Variants in MRRF observed in about 807,000 individuals in gnomAD.
MRRF encodes the protein ribosome-recycling factor, mitochondrial.
A neutral mutation model predicts 25.1 loss-of-function variants in MRRF; 18 were observed. The observed-to-expected ratio is 0.72, with a 90% CI of 0.50 to 1.06. The LOEUF is 1.06. MRRF is among the 50% of genes least tolerant of loss of function. The pLI is 0.00. For missense variants in MRRF, 323 were observed against 319.3 expected (o/e 1.01, Z -0.09); for synonymous variants, 113 against 112.1 (o/e 1.01, Z -0.05).
rs1402951191 is a variant in MRRF at position 122,323,235 on chromosome 9, C to T, written c.*618C>T. 6.3e-6 allele frequency: 1 copy of T among 158,706 alleles called. No homozygotes were observed. Among genetic ancestry groups the T allele is most frequent in the Non-Finnish European group, 1.4e-5 (1 of 71,464 alleles). The allele number at this position is 158,706 out of a possible 1,614,324, so 9.8% of individuals were successfully genotyped here. Reference sequence around the variant, plus strand: ...TTACCTGGCCAGTCCTGTTTATCATCAGGCCTTGTCTTGGATATCACGTCC... The same window carrying T: ...TTACCTGGCCAGTCCTGTTTATCATTAGGCCTTGTCTTGGATATCACGTCC... On this transcript the variant is annotated 3_prime_UTR_variant, in exon 7 of 7. Coordinates refer to ENST00000344641, the MANE Select transcript of MRRF (RefSeq NM_138777.5).
chr9:122,286,626 C>A (rs1833424054), intron 4 of MRRF, among the ~76,000 whole-genome samples: 1 of 152,136 alleles, frequency 6.6e-6, no homozygotes, highest in African/African-American at 2.4e-5. Context: ...AGTGGAAGGA[C>A]CGCTTGAGTC....
chr9:122,281,458 T>C (rs1250844326), intron 3 of MRRF, among the ~76,000 whole-genome samples: 2 of 152,206 alleles, frequency 1.3e-5, no homozygotes, highest in Non-Finnish European at 1.5e-5. Context: ...GCTCCACTTA[T>C]AAACACTATC....
chr9:122,294,992 G>A (rs1833998311), intron 5 of MRRF, among the ~76,000 whole-genome samples: 3 of 152,156 alleles, frequency 2.0e-5, no homozygotes, highest in Admixed American at 1.3e-4. Flanking sequence ...ACATATTCAG[G>A]AAAGCAGAAA....
At chr9:122,291,964 C>T (rs1187751040) in intron 5 of MRRF, 124 bp downstream of exon 5, 1 of 768,588 alleles carries the variant, frequency 1.3e-6, no homozygotes, top group East Asian at 2.5e-5. Context: ...TTCACCCTGG[C>T]AAACATCTTT....
intron 4 of MRRF, among the ~76,000 whole-genome samples, chr9:122,291,297 A>G (rs1409713957): frequency 6.6e-6 from 1 of 152,232 alleles, no homozygotes; most frequent in Non-Finnish European, 1.5e-5. Flanking sequence ...GTGAGTGCAG[A>G]TGCGAATGAG....
chr9:122,325,138 C>T lies in MRRF; in HGVS notation c.*2521C>T, dbSNP rs1836092223. The T allele has an allele frequency of 1.3e-5, 2 of 152,178 alleles. No individual in the cohort carries two copies. The highest frequency in any genetic ancestry group is 2.1e-4 in the South Asian group (1 of 4,834). The allele number at this position is 152,178 out of a possible 1,614,324, so 9.4% of individuals were successfully genotyped here. ...ATTTGGTTCTTAACAGCCAAATCCTCTGTAGTCTTTAAATAAACAAAAACT... is the reference window on the plus strand; with the variant it reads ...ATTTGGTTCTTAACAGCCAAATCCTTTGTAGTCTTTAAATAAACAAAAACT... On this transcript the variant is annotated 3_prime_UTR_variant, in exon 7 of 7. Coordinates refer to ENST00000344641, the MANE Select transcript of MRRF (RefSeq NM_138777.5).
chr9:122,269,979 C>T (rs143966781), intron 1 of MRRF, among the ~76,000 whole-genome samples: 8 of 152,150 alleles, frequency 5.3e-5, no homozygotes, highest in Middle Eastern at 3.4e-3. Flanking sequence ...TCCAGGTCTT[C>T]CTGACGGCAA....
At chr9:122,303,163 G>A (rs1373573594) in intron 5 of MRRF, among the ~76,000 whole-genome samples, 1 of 151,876 alleles carries the variant, frequency 6.6e-6, no homozygotes, top group Non-Finnish European at 1.5e-5. Flanking sequence ...CAAAAATTCA[G>A]ATCCTACAGA....
intron 5 of MRRF, among the ~76,000 whole-genome samples, chr9:122,293,675 A>G (rs1833911097): frequency 6.6e-6 from 1 of 152,198 alleles, no homozygotes; most frequent in South Asian, 2.1e-4. Context: ...AGATAGTTCA[A>G]GTTTGTTTGG....
At chr9:122,317,295 A>C (rs1835593777) in intron 6 of MRRF, among the ~76,000 whole-genome samples, 1 of 151,970 alleles carries the variant, frequency 6.6e-6, no homozygotes, top group Non-Finnish European at 1.5e-5. Context: ...TTATCTGGGA[A>C]CTGTTGCTTT....
rs1836107486 is a variant in MRRF at position 122,325,497 on chromosome 9, CAA to C, written c.*2884_*2885del. On this transcript the variant is annotated 3_prime_UTR_variant, in exon 7 of 7. Transcript: ENST00000344641. The stretch of plus-strand genomic sequence containing the variant: ...ATCTCTTCTCTCCTACAGCCTCTCT[CAA>C]AAAGAAACACTGGGTATGGAAATTC... 1 of 152,092 alleles carries C rather than the reference CAA, an allele frequency of 6.6e-6. No individual in the cohort carries two copies. The highest frequency in any genetic ancestry group is 1.5e-5 in the Non-Finnish European group (1 of 68,016). The allele number at this position is 152,092 out of a possible 1,614,324, so 9.4% of individuals were successfully genotyped here.
chr9:122,315,542 C>T (rs916519783), intron 6 of MRRF, among the ~76,000 whole-genome samples: 2 of 152,196 alleles, frequency 1.3e-5, no homozygotes, highest in Non-Finnish European at 2.9e-5. Flanking sequence ...GTGTACCTAA[C>T]ACCCAAACCC....
chr9:122,301,251 T>C (rs773689981), intron 5 of MRRF, among the ~76,000 whole-genome samples: 2 of 152,204 alleles, frequency 1.3e-5, no homozygotes, highest in South Asian at 4.1e-4. Context: ...CATATGCTGA[T>C]GTGCAGTTTC....
intron 1 of MRRF, among the ~76,000 whole-genome samples, chr9:122,266,838 C>T (rs143220648): frequency 1.3e-3 from 196 of 152,340 alleles, no homozygotes; most frequent in African/African-American, 4.4e-3. Flanking sequence ...CATTGGGAGG[C>T]CCAGGCGGGC....
intron 1 of MRRF, among the ~76,000 whole-genome samples, chr9:122,265,160 G>C (rs1287905185): frequency 1.3e-5 from 2 of 152,180 alleles, no homozygotes; most frequent in Admixed American, 6.5e-5. Context: ...GGGGATGCTG[G>C]AGGAACTTAC....
intron 2 of MRRF, among the ~76,000 whole-genome samples, chr9:122,273,121 G>T (rs1676570332): frequency 6.6e-6 from 1 of 152,100 alleles, no homozygotes; most frequent in Non-Finnish European, 1.5e-5. Flanking sequence ...TTTTCTATAT[G>T]AAATTTATGA....
rs2119046020 is a variant in MRRF at position 122,327,237 on chromosome 9, T to C, written c.*4620T>C. On this transcript the variant is annotated 3_prime_UTR_variant, in exon 7 of 7. Transcript: ENST00000344641. ...ATATGTCAGAGAGCAAGCAAAATGTTCACCAAGCAGTGAATAATGATAATA... is the reference window on the plus strand; with the variant it reads ...ATATGTCAGAGAGCAAGCAAAATGTCCACCAAGCAGTGAATAATGATAATA... The C allele has an allele frequency of 6.6e-6, 1 of 152,300 alleles. No individual in the cohort carries two copies. Among genetic ancestry groups the C allele is most frequent in the South Asian group, 2.1e-4 (1 of 4,826 alleles). 9.4% of individuals were successfully genotyped at this position (152,300 alleles called of 1,614,324 possible).
chr9:122,287,125 T>C (rs1833465459), intron 4 of MRRF, among the ~76,000 whole-genome samples: 1 of 152,252 alleles, frequency 6.6e-6, no homozygotes, highest in African/African-American at 2.4e-5. Context: ...CAATCTAAAT[T>C]ATTCTTCCAC....
At chr9:122,305,859 A>G (rs966888898) in intron 5 of MRRF, among the ~76,000 whole-genome samples, 4 of 152,234 alleles carry the variant, frequency 2.6e-5, no homozygotes, top group Admixed American at 6.5e-5. Flanking sequence ...CTAGGCCCTC[A>G]AACAGAGCCT....
Sources: allele counts gnomAD v4.1 joint callset (sites outside exome capture counted in the v4.1 genomes callset), GRCh38; gene constraint gnomAD v4.1.1; transcripts MANE v1.5; gene names NCBI Gene and HGNC (gene_info 2026-07-23, HGNC 2026-07-21).